The following TRIM21 variants were observed in gnomAD, a reference collection of about 807,000 sequenced individuals.
The protein encoded by TRIM21 is tripartite motif containing 21.
Under a neutral mutation model 36.1 loss-of-function variants are expected in TRIM21, and 35 were observed. That is an observed-to-expected ratio of 0.97 (90% CI 0.74 to 1.28). The LOEUF (loss-of-function observed/expected upper bound fraction) is 1.28. Among genes scored for constraint, TRIM21 ranks in the 50% most tolerant of loss-of-function variants. TRIM21 has a pLI of 0.00. For synonymous variants in TRIM21, 256 were observed against 211.5 expected (o/e 1.21, Z -1.83); for missense variants, 635 against 570.7 (o/e 1.11, Z -1.15).
intron 4 of TRIM21, 79 bp downstream of exon 4, chr11:4,388,221 T>C: frequency 2.4e-6 from 3 of 1,250,044 alleles, no homozygotes; most frequent in Non-Finnish European, 2.2e-6. Context: ...TGTCCATTTA[T>C]TCAAATGGCA....
chr11:4,390,489 T>C, intron 1 of TRIM21, 31 bp from the exon 2 acceptor site: 6 of 1,424,572 alleles, frequency 4.2e-6, no homozygotes, highest in Non-Finnish European at 4.7e-6. Context: ...GAAAAGAGAA[T>C]ATGAGAAAGT....
intron 4 of TRIM21, 79 bp from the exon 5 acceptor site, chr11:4,387,069 C>A: frequency 6.9e-7 from 1 of 1,453,674 alleles, no homozygotes; most frequent in South Asian, 1.2e-5. Flanking sequence ...GTGATGTGAT[C>A]CATCTTTGGT....
At chr11:4,388,649 ACACACACACATG>A in intron 3 of TRIM21, 119 bp from the exon 4 acceptor site, 2 of 939,250 alleles carry the variant, frequency 2.1e-6, no homozygotes, top group Admixed American at 2.0e-5. Context: ...GTCTGGGAAA[ACACACACACATG>A]CACACGCACA....
At chr11:4,389,969 C>A in intron 2 of TRIM21, 33 bp downstream of exon 2, 1 of 1,603,640 alleles carries the variant, frequency 6.2e-7, no homozygotes, top group South Asian at 1.1e-5. Flanking sequence ...GCTCTGAAAA[C>A]GAAGCACTCA....
rs1216089333 is a variant in TRIM21 at position 4,390,121 on chromosome 11, C to G, written c.289G>C (p.Glu97Gln). Residue 97 changes from glutamate (E) to glutamine (Q), a missense_variant, in exon 2 of 7, where the codon GAG becomes CAG. Transcript: ENST00000254436. ...TQGERCAVHG[E>Q]RLHLFCEKDG... is the part of the protein sequence containing the mutation. ...TTCTCACAGAACAGGTGAAGTCTCT[C>G]TCCATGCACTGCACACCGTTCCCCC... 1 of 1,614,052 alleles carries G rather than the reference C, an allele frequency of 6.2e-7. No individual in the cohort carries two copies. The highest frequency in any genetic ancestry group is 1.6e-4 in the Middle Eastern group (1 of 6,062).
In TRIM21 at chr11:4,393,285, C is replaced by T. The variant is rs541305393; in HGVS notation, c.-50+348G>A. Among the ~76,000 whole-genome samples, 228 of 152,276 alleles carry T rather than the reference C, an allele frequency of 1.5e-3. 1 individual carries two copies. Among genetic ancestry groups the T allele is most frequent in the African/African-American group, 5.4e-3 (224 of 41,558 alleles). ...GTAGTCCTGGCTATCCCAGCCACAC[C>T]CAGCCGTCATCCTAGGTCAGGTGCC... On this transcript the variant is annotated intron_variant, in intron 1 of 6. Transcript: ENST00000254436.
chr11:4,390,501 T>G (rs2094961836), intron 1 of TRIM21, 43 bp from the exon 2 acceptor site: 1 of 1,368,242 alleles, frequency 7.3e-7, no homozygotes, highest in Non-Finnish European at 9.9e-7. Flanking sequence ...TGAGAAAGTC[T>G]GTGTAAGAAA....
At chr11:4,389,965 A>G in intron 2 of TRIM21, 37 bp downstream of exon 2, 1 of 1,602,554 alleles carries the variant, frequency 6.2e-7, no homozygotes, top group South Asian at 1.1e-5. Context: ...CCCTGCTCTG[A>G]AAACGAAGCA....
Position 4,388,306 on chromosome 11 carries a change from C to T in TRIM21, c.729G>A (p.Leu243=), listed in dbSNP as rs781370023. The T allele has an allele frequency of 1.9e-6, 3 of 1,608,766 alleles. No individual in the cohort carries two copies. Among genetic ancestry groups the T allele is most frequent in the Non-Finnish European group, 2.6e-6 (3 of 1,175,682 alleles). The change falls in exon 4 of 7, where the codon CTG becomes CTA. Residue 243 remains leucine (L), a synonymous_variant. Transcript: ENST00000254436. ...AAACCCCTCCCTGTCTCACCTGCAG[C>T]AGTTCCAGTGCTGAGCTGTGGCACC... ...DRRCHSSALE[L]LQEVIIVLER... is the part of the protein sequence containing the mutation.
Position 4,389,667 on chromosome 11 carries a change from C to G in TRIM21, c.491G>C (p.Arg164Thr). The G allele has an allele frequency of 1.2e-6, 2 of 1,613,934 alleles. No individual in the cohort carries two copies. Among genetic ancestry groups the G allele is most frequent in the Non-Finnish European group, 1.7e-6 (2 of 1,179,844 alleles). Residue 164 changes from arginine (R) to threonine (T), a missense_variant, in exon 3 of 7, where the codon AGA (arginine) becomes ACA (threonine). Physicochemically the swap from Arg to Thr is moderately conservative, Grantham distance 71. Coordinates refer to ENST00000254436, the MANE Select transcript of TRIM21 (RefSeq NM_003141.4). ...EKLEVEIAIKRADWKKTVETQ... is the reference protein window; with the variant it reads ...EKLEVEIAIKTADWKKTVETQ... ...TGTCATTCTTACCTTCCAGTCTGCT[C>G]TCTTTATTGCAATTTCCACTTCCAA...
chr11:4,389,832 A>T (rs2094960642), intron 2 of TRIM21, 83 bp from the exon 3 acceptor site: 16 of 1,495,574 alleles, frequency 1.1e-5, no homozygotes, highest in Non-Finnish European at 1.5e-5. Flanking sequence ...TCTCATGCAT[A>T]TCTCCTACGC....
chr11:4,388,639 G>T, intron 3 of TRIM21, 109 bp from the exon 4 acceptor site: 1 of 1,072,926 alleles, frequency 9.3e-7, no homozygotes, highest in Non-Finnish European at 1.4e-6. Context: ...ACTCTGTGCT[G>T]TCTGGGAAAA....
intron 1 of TRIM21, among the ~76,000 whole-genome samples, chr11:4,392,904 C>A (rs2094964673): frequency 6.6e-6 from 1 of 152,166 alleles, no homozygotes; most frequent in South Asian, 2.1e-4. Flanking sequence ...CTACTTTTTA[C>A]CATGTACCTT....
rs1430568014 is a variant in TRIM21, at chr11:4,385,866, G to A, written c.860-13C>T. The A allele has an allele frequency of 6.3e-7, 1 of 1,594,224 alleles. No homozygotes were observed. Among genetic ancestry groups the A allele is most frequent in the Non-Finnish European group, 8.6e-7 (1 of 1,169,514 alleles). ...AGAGTGATGTGGACTGCAGAGAGAG[G>A]ACCACAGTCAGGCCTTGCATGGGGG... On this transcript the variant is annotated splice_polypyrimidine_tract_variant and intron_variant, in intron 6 of 6. Transcript: ENST00000254436.
At chr11:4,385,901 A>G in intron 6 of TRIM21, 48 bp from the exon 7 acceptor site, 1 of 1,489,384 alleles carries the variant, frequency 6.7e-7, no homozygotes, top group Non-Finnish European at 9.1e-7. Context: ...GGAGTTCACT[A>G]AGTCTGTGCC....
chr11:4,385,241 G>A lies in TRIM21; in HGVS notation c.*44C>T, dbSNP rs751308535. ...GAAAAGAGGCAGGGTTTGTGGCTGA[G>A]AAGCGGTGCCAATGGGGAGAGTGGC... is the stretch of plus-strand genomic sequence containing the variant. On this transcript the variant is annotated 3_prime_UTR_variant, in exon 7 of 7. Coordinates refer to ENST00000254436, the MANE Select transcript of TRIM21 (RefSeq NM_003141.4). The A allele has an allele frequency of 6.5e-7, 1 of 1,547,264 alleles. No individual in the cohort carries two copies.
chr11:4,389,669 CTT>C lies in TRIM21; in HGVS notation c.487_488del (p.Lys163GlufsTer14). On this transcript the variant is annotated frameshift_variant, in exon 3 of 7. Transcript: ENST00000254436. LOFTEE classifies it high-confidence loss of function. ...TCATTCTTACCTTCCAGTCTGCTCT[CTT>C]TATTGCAATTTCCACTTCCAACTTC... is the stretch of plus-strand genomic sequence containing the variant. ...AEKLEVEIAI[K>X]RADWKKTVET... 2.5e-6 allele frequency: 4 copies of C among 1,613,948 alleles called. No homozygotes were observed. The highest frequency in any genetic ancestry group is 3.4e-6 in the Non-Finnish European group (4 of 1,179,848).
chr11:4,387,018 T>C (rs531700092), intron 4 of TRIM21, 28 bp from the exon 5 acceptor site: 3 of 1,566,898 alleles, frequency 1.9e-6, no homozygotes, highest in South Asian at 2.4e-5. Context: ...AGAAAGTAAG[T>C]TCTGGATTGC....
rs2094958601 is a variant in TRIM21, at chr11:4,388,214, C to G, written c.735+86G>C. On this transcript the variant is annotated intron_variant, in intron 4 of 6. Coordinates refer to ENST00000254436, the MANE Select transcript of TRIM21 (RefSeq NM_003141.4). ...TAAGAACATTCCAGGGACCAGGTGT[C>G]CATTTATTCAAATGGCAGTTCCAGA... 3.3e-5 allele frequency: 38 copies of G among 1,153,962 alleles called. 1 individual carries two copies. In the South Asian group the frequency reaches 5.2e-4, roughly 16 times the overall value. The allele number at this position is 1,153,962 out of a possible 1,614,324, so 71.5% of individuals were successfully genotyped here.
Sources: allele counts gnomAD v4.1 joint callset (sites outside exome capture counted in the v4.1 genomes callset), GRCh38; gene constraint gnomAD v4.1.1; transcripts MANE v1.5; gene names NCBI Gene and HGNC (gene_info 2026-07-23, HGNC 2026-07-21).